WDR20: variants seen among roughly 807,000 people sequenced by gnomAD.
The protein encoded by WDR20 is WD repeat-containing protein 20.
A neutral mutation model predicts 38.7 loss-of-function variants in WDR20; 3 were observed. That is an observed-to-expected ratio of 0.08 (90% CI 0.04 to 0.20). The LOEUF (loss-of-function observed/expected upper bound fraction) is 0.20. Among genes scored for constraint, WDR20 ranks in the 10% least tolerant of loss-of-function variants. The pLI is 1.00. For missense variants in WDR20, 559 were observed against 727.7 expected (o/e 0.77, Z 2.67); for synonymous variants, 298 against 285.6 (o/e 1.04, Z -0.44).
intron 2 of WDR20, among the ~76,000 whole-genome samples, chr14:102,201,000 A>T (rs1467963072): frequency 6.6e-6 from 1 of 152,178 alleles, no homozygotes; most frequent in Admixed American, 6.5e-5. Context: ...GTCTATTCTG[A>T]TACAAAGGAA....
intron 1 of WDR20, among the ~76,000 whole-genome samples, chr14:102,161,436 C>G (rs1050167519): frequency 1.3e-5 from 2 of 151,500 alleles, no homozygotes; most frequent in African/African-American, 4.9e-5. Flanking sequence ...ACCTCAGCCT[C>G]CTGAGTAGCT....
downstream of WDR20, chr14:102,224,787 T>C: frequency 2.2e-6 from 1 of 455,972 alleles, no homozygotes; most frequent in Non-Finnish European, 4.4e-6. Context: ...AACTATGGAG[T>C]GAGTCTTCTA....
chr14:102,212,686 G>C (rs1487780437), downstream of WDR20: 1 of 1,508,868 alleles, frequency 6.6e-7, no homozygotes, highest in African/African-American at 1.4e-5. Context: ...CCTGGGGAGG[G>C]CCTGGGGAGG....
chr14:102,212,645 G>C, downstream of WDR20: 1 of 1,532,982 alleles, frequency 6.5e-7, no homozygotes, highest in Non-Finnish European at 8.7e-7. Flanking sequence ...CCTTCTCCTC[G>C]GCTGTGCTTC....
At chr14:102,147,574 A>G (rs2054086006) in intron 1 of WDR20, among the ~76,000 whole-genome samples, 1 of 152,174 alleles carries the variant, frequency 6.6e-6, no homozygotes, top group Non-Finnish European at 1.5e-5. Context: ...GAAATGTGTC[A>G]CTTATACGAT....
At position 102,210,410 on chromosome 14, in the gene WDR20, ATAT is replaced by A. The variant is rs1474673925; in HGVS notation, c.*535_*537del. On this transcript the variant is annotated 3_prime_UTR_variant, in exon 3 of 3. Transcript: ENST00000342702. ...ACAAAACGTTTAGCAGGGTTGATTG[ATAT>A]TATTTTTACATTGTTCTGGCAATCC... The A allele has an allele frequency of 4.1e-6, 4 of 985,412 alleles. No homozygotes were observed. The highest frequency in any genetic ancestry group is 4.8e-6 in the Non-Finnish European group (4 of 829,970). The allele number at this position is 985,412 out of a possible 1,614,324, so 61.0% of individuals were successfully genotyped here. A position where few individuals can be genotyped will look rare whatever the true frequency, so the allele number is the denominator to read the frequency against.
At chr14:102,158,628 C>T (rs957498064) in intron 1 of WDR20, among the ~76,000 whole-genome samples, 1 of 152,054 alleles carries the variant, frequency 6.6e-6, no homozygotes, top group African/African-American at 2.4e-5. Flanking sequence ...GTCCTCAGAT[C>T]TTCAATAACC....
Position 102,139,914 on chromosome 14 carries a change from G to T in WDR20, c.-10G>T, listed in dbSNP as rs771617250. The T allele has an allele frequency of 6.2e-7, 1 of 1,611,748 alleles. No individual in the cohort carries two copies. The highest frequency in any genetic ancestry group is 1.1e-5 in the South Asian group (1 of 91,068). ...GGGCACTTAGGGCAGGATGAACGCT[G>T]CTTTCCAAGATGGCGACGGAGGGAG... On this transcript the variant is annotated 5_prime_UTR_variant, in exon 1 of 3. Transcript: ENST00000342702.
chr14:102,153,629 A>G (rs2056662012), intron 1 of WDR20, among the ~76,000 whole-genome samples: 1 of 152,082 alleles, frequency 6.6e-6, no homozygotes, highest in South Asian at 2.1e-4. Context: ...TAAATTACCC[A>G]GTCTCAGGTA....
intron 1 of WDR20, among the ~76,000 whole-genome samples, chr14:102,162,217 C>T (rs1015508022): frequency 6.6e-6 from 1 of 152,172 alleles, no homozygotes; most frequent in Non-Finnish European, 1.5e-5. Flanking sequence ...ATAGGAGAAC[C>T]GGTACAGCAG....
intron 1 of WDR20, among the ~76,000 whole-genome samples, chr14:102,185,347 G>A (rs946536632): frequency 1.9e-4 from 29 of 152,074 alleles, no homozygotes; most frequent in Admixed American, 1.3e-4. Flanking sequence ...AGGTAGATCT[G>A]GAATCTGGGC....
chr14:102,189,622 C>G lies in WDR20; in HGVS notation c.250-5316C>G, dbSNP rs555024492. Among the ~76,000 whole-genome samples, 3 of 152,174 alleles carry G rather than the reference C, an allele frequency of 2.0e-5. No homozygotes were observed. The East Asian group carries it at 5.8e-4, about 29-fold the overall frequency. On this transcript the variant is annotated intron_variant, in intron 1 of 2. Coordinates refer to ENST00000342702, the MANE Select transcript of WDR20 (RefSeq NM_144574.4). The stretch of plus-strand genomic sequence containing the variant: ...CTTCTATAAATTCATGTTTATCTGT[C>G]AGAATCTGAGTGGAAAAAAACTTAC...
At chr14:102,193,170 A>G (rs1382788133) in intron 1 of WDR20, among the ~76,000 whole-genome samples, 11 of 145,822 alleles carry the variant, frequency 7.5e-5, no homozygotes, top group Admixed American at 2.1e-4. Flanking sequence ...TCGTTCTGAG[A>G]TGAATGGCAT....
At chr14:102,187,409 T>TGG (rs138702000) in intron 1 of WDR20, among the ~76,000 whole-genome samples, 16 of 150,612 alleles carry the variant, frequency 1.1e-4, no homozygotes, top group African/African-American at 2.7e-4. Context: ...ACACATAGGC[T>TGG]GGGGGGGGGC....
chr14:102,193,486 CAG>C, intron 1 of WDR20: 1 of 1,613,588 alleles, frequency 6.2e-7, no homozygotes, highest in Non-Finnish European at 8.5e-7. Context: ...GTTGGTAGAA[CAG>C]AGATTCTCAT....
At chr14:102,152,774 A>T (rs2056367899) in intron 1 of WDR20, among the ~76,000 whole-genome samples, 2 of 152,116 alleles carry the variant, frequency 1.3e-5, no homozygotes, top group South Asian at 4.1e-4. Context: ...TAGTATCCTT[A>T]TTTTACAGGT....
downstream of WDR20, among the ~76,000 whole-genome samples, chr14:102,218,843 G>A (rs887621906): frequency 2.0e-5 from 3 of 152,368 alleles, no homozygotes; most frequent in African/African-American, 7.2e-5. Context: ...GGAATTGCCA[G>A]CTGTCCTGCT....
chr14:102,200,458 T>A (rs1167856804), intron 2 of WDR20, among the ~76,000 whole-genome samples: 1 of 64,092 alleles, frequency 1.6e-5, no homozygotes, highest in Non-Finnish European at 3.8e-5. Flanking sequence ...ACTTTTTAAA[T>A]TTTTTTTTTT....
At chr14:102,214,244 GC>G (rs71468392), downstream of WDR20, 4 of 985,590 alleles carry the variant, frequency 4.1e-6, no homozygotes, top group East Asian at 2.3e-4. Context: ...AGCCTGCAGG[GC>G]CCCCCCTTGT....
Sources: gnomAD v4.1 joint callset for allele counts (sites outside exome capture counted in the v4.1 genomes callset) on GRCh38, gnomAD v4.1.1 for gene constraint, MANE v1.5 for transcripts, NCBI Gene and HGNC (gene_info 2026-07-23, HGNC 2026-07-21) for gene names.